The following CDYL2 variants were observed in gnomAD, a reference collection of about 807,000 sequenced individuals.
CDYL2 encodes chromodomain Y like 2, also known as chromodomain Y-like protein 2.
In CDYL2, 23 loss-of-function variants were observed where a neutral mutation model predicts 49.4. That is an observed-to-expected ratio of 0.47 (90% CI 0.34 to 0.66). CDYL2 has a LOEUF of 0.66. Among genes scored for constraint, CDYL2 ranks in the 30% least tolerant of loss-of-function variants. The pLI is 0.01. For synonymous variants in CDYL2, 360 were observed against 268.8 expected (o/e 1.34, Z -3.32); for missense variants, 678 against 656.4 (o/e 1.03, Z -0.36).
intron 1 of CDYL2, among the ~76,000 whole-genome samples, chr16:80,693,598 A>C (rs555145952): frequency 6.6e-6 from 1 of 152,352 alleles, no homozygotes; most frequent in Admixed American, 6.5e-5. Flanking sequence ...AATACCACTC[A>C]GAAATTAAAA....
chr16:80,728,893 G>C (rs549526363), intron 1 of CDYL2, among the ~76,000 whole-genome samples: 135 of 151,254 alleles, frequency 8.9e-4, no homozygotes, highest in African/African-American at 3.2e-3. Context: ...TTACAGACAA[G>C]CAAATGCTGA....
At chr16:80,723,277 A>G (rs1905059124) in intron 1 of CDYL2, among the ~76,000 whole-genome samples, 1 of 152,216 alleles carries the variant, frequency 6.6e-6, no homozygotes, top group South Asian at 2.1e-4. Context: ...GCTCCTACAC[A>G]GGGAGCTGTG....
rs538714820 is a variant in CDYL2 at position 80,669,843 on chromosome 16, T to A, written c.616+14695A>T. On this transcript the variant is annotated intron_variant, in intron 2 of 6. Coordinates refer to ENST00000570137, the MANE Select transcript of CDYL2 (RefSeq NM_152342.4). ...CACATGGGCTGTGGTGACACATGGC[T>A]CAGCCATGAGGAGAGTGAGTGCACA... 3.3e-5 allele frequency among the ~76,000 whole-genome samples: 5 copies of A among 152,310 alleles called. No homozygotes were observed. In the East Asian group the frequency reaches 9.7e-4, roughly 29 times the overall value.
chr16:80,756,472 C>G (rs1424711991), intron 1 of CDYL2, among the ~76,000 whole-genome samples: 2 of 151,860 alleles, frequency 1.3e-5, no homozygotes, highest in Non-Finnish European at 2.9e-5. Flanking sequence ...TTTGAAAATC[C>G]TCAATGAAAC....
intron 4 of CDYL2, among the ~76,000 whole-genome samples, chr16:80,620,297 C>G (rs1238517582): frequency 6.6e-6 from 1 of 152,212 alleles, no homozygotes; most frequent in East Asian, 1.9e-4. Context: ...GGTCTGCAAA[C>G]ACACAGCTGC....
chr16:80,747,205 C>T (rs1160951951), intron 1 of CDYL2, among the ~76,000 whole-genome samples: 1 of 152,078 alleles, frequency 6.6e-6, no homozygotes, highest in Non-Finnish European at 1.5e-5. Context: ...TAGGGAAAGG[C>T]CCACCACCTG....
intron 2 of CDYL2, among the ~76,000 whole-genome samples, chr16:80,664,245 G>C (rs555858663): frequency 1.3e-5 from 2 of 152,272 alleles, no homozygotes; most frequent in African/African-American, 4.8e-5. Flanking sequence ...GAGGTTCTCC[G>C]AAACTGAGTT....
At chr16:80,659,156 A>G (rs1400023460) in intron 2 of CDYL2, among the ~76,000 whole-genome samples, 2 of 152,188 alleles carry the variant, frequency 1.3e-5, no homozygotes, top group Non-Finnish European at 1.5e-5. Flanking sequence ...GAAGAGCATC[A>G]TATCAGCTAG....
intron 1 of CDYL2, among the ~76,000 whole-genome samples, chr16:80,717,308 T>C (rs912659474): frequency 8.5e-5 from 13 of 152,340 alleles, no homozygotes; most frequent in South Asian, 2.1e-4. Context: ...ATGTCCTCTA[T>C]GACGATCTTG....
intron 1 of CDYL2, among the ~76,000 whole-genome samples, chr16:80,752,849 C>G (rs1906182690): frequency 6.6e-6 from 1 of 152,174 alleles, no homozygotes; most frequent in Non-Finnish European, 1.5e-5. Flanking sequence ...AATCAACTCT[C>G]AGAAGCTAGT....
intron 1 of CDYL2, among the ~76,000 whole-genome samples, chr16:80,768,920 T>C (rs566559477): frequency 6.6e-6 from 1 of 152,332 alleles, no homozygotes; most frequent in Non-Finnish European, 1.5e-5. Flanking sequence ...TCCATAAATA[T>C]TAGCTATTGT....
intron 1 of CDYL2, among the ~76,000 whole-genome samples, chr16:80,771,662 G>C (rs1183490828): frequency 2.0e-5 from 3 of 152,086 alleles, no homozygotes; most frequent in Non-Finnish European, 2.9e-5. Flanking sequence ...GGCAGGGATT[G>C]CAGTGAGCCA....
intron 1 of CDYL2, among the ~76,000 whole-genome samples, chr16:80,789,111 CA>C (rs202009908): frequency 2.0e-5 from 3 of 146,812 alleles, no homozygotes; most frequent in African/African-American, 5.0e-5. Flanking sequence ...ATTAAAAAGT[CA>C]AAAAAAAACA....
intron 2 of CDYL2, 118 bp from the exon 3 acceptor site, chr16:80,633,354 C>A: frequency 1.0e-6 from 1 of 971,756 alleles, no homozygotes; most frequent in South Asian, 1.6e-5. Flanking sequence ...GACACACCAC[C>A]TTCTCCCCTG....
At chr16:80,681,978 C>G (rs1909984159) in intron 2 of CDYL2, among the ~76,000 whole-genome samples, 1 of 152,196 alleles carries the variant, frequency 6.6e-6, no homozygotes, top group African/African-American at 2.4e-5. Context: ...CAAGGTCCCA[C>G]CCCCCACACA....
chr16:80,648,598 A>G (rs1908452694), intron 2 of CDYL2, among the ~76,000 whole-genome samples: 1 of 152,070 alleles, frequency 6.6e-6, no homozygotes, highest in Non-Finnish European at 1.5e-5. Flanking sequence ...ATCCTACTCA[A>G]ACTATTCTAA....
chr16:80,610,984 C>T (rs188159410), intron 5 of CDYL2, among the ~76,000 whole-genome samples: 57 of 152,294 alleles, frequency 3.7e-4, no homozygotes, highest in African/African-American at 1.3e-3. Context: ...CCTCATCCCT[C>T]GCCCTCTCCC....
intron 1 of CDYL2, among the ~76,000 whole-genome samples, chr16:80,740,203 A>G (rs531237331): frequency 6.6e-6 from 1 of 152,318 alleles, no homozygotes; most frequent in Admixed American, 6.5e-5. Flanking sequence ...GTCCAGGAAG[A>G]TGCACCAAAA....
intron 1 of CDYL2, among the ~76,000 whole-genome samples, chr16:80,696,926 G>C (rs551358474): frequency 1.2e-3 from 178 of 152,300 alleles, no homozygotes; most frequent in Non-Finnish European, 2.1e-3. Context: ...GAAGTCAGGA[G>C]TTCAAGGTTG....
Sources: gnomAD v4.1 joint callset for allele counts (sites outside exome capture counted in the v4.1 genomes callset) on GRCh38, gnomAD v4.1.1 for gene constraint, MANE v1.5 for transcripts, NCBI Gene and HGNC (gene_info 2026-07-23, HGNC 2026-07-21) for gene names.